Variants in CRYBG1 observed in about 807,000 individuals in gnomAD.
The protein encoded by CRYBG1 is crystallin beta-gamma domain containing 1.
CRYBG1 carries 139 observed loss-of-function variants against 189.2 expected under a neutral mutation model. The observed-to-expected ratio is 0.73, with a 90% CI of 0.64 to 0.85. The LOEUF (loss-of-function observed/expected upper bound fraction) is 0.85, where lower values mean the gene tolerates loss of function less well. CRYBG1 is among the 40% of genes least tolerant of loss of function. CRYBG1 has a pLI of 0.00. For synonymous variants in CRYBG1, 1,023 were observed against 1,017.1 expected (o/e 1.01, Z -0.11); for missense variants, 2,611 against 2,675.8 (o/e 0.98, Z 0.53).
chr6:106,492,470 T>G (rs948800702), intron 2 of CRYBG1, among the ~76,000 whole-genome samples: 1 of 151,488 alleles, frequency 6.6e-6, no homozygotes. Context: ...TTAGCCATAA[T>G]ACTTCTGAAG....
chr6:106,523,275 T>A (rs1179616357), intron 4 of CRYBG1, among the ~76,000 whole-genome samples: 1 of 152,192 alleles, frequency 6.6e-6, no homozygotes, highest in East Asian at 1.9e-4. Context: ...CAGCCTATGG[T>A]ACTCAGAAAT....
chr6:106,363,015 A>G lies in CRYBG1; in HGVS notation c.173+1934A>G, dbSNP rs553487621. Among the ~76,000 whole-genome samples, 219 of 151,548 alleles carry G rather than the reference A, an allele frequency of 1.4e-3. 1 individual carries two copies. Among genetic ancestry groups the G allele is most frequent in the Middle Eastern group, 3.4e-3 (1 of 294 alleles). On this transcript the variant is annotated intron_variant, in intron 1 of 21. Transcript: ENST00000633556. The stretch of plus-strand genomic sequence containing the variant: ...AATCCCAGCACTTTGGGAGGCCGAG[A>G]CGGGCGGATCACGAGGTCAGGAGAT...
At chr6:106,477,541 G>A (rs1772356755) in intron 2 of CRYBG1, among the ~76,000 whole-genome samples, 2 of 152,114 alleles carry the variant, frequency 1.3e-5, no homozygotes, top group South Asian at 4.1e-4. Context: ...TTGGTCTTCA[G>A]CCCATAGTTA....
chr6:106,440,131 G>GCTGC (rs1364635477), intron 1 of CRYBG1, among the ~76,000 whole-genome samples: 2 of 152,120 alleles, frequency 1.3e-5, no homozygotes, highest in Non-Finnish European at 2.9e-5. Flanking sequence ...CACCTGCTGT[G>GCTGC]CTGCCTCTCT....
Position 106,521,079 on chromosome 6 carries a change from GC to G in CRYBG1, c.3875del (p.Pro1292ArgfsTer5). 6.2e-7 allele frequency: 1 copy of G among 1,614,144 alleles called. No individual in the cohort carries two copies. Among genetic ancestry groups the G allele is most frequent in the Non-Finnish European group, 8.5e-7 (1 of 1,180,030 alleles). On this transcript the variant is annotated frameshift_variant, in exon 4 of 22. Coordinates refer to ENST00000633556, the MANE Select transcript of CRYBG1 (RefSeq NM_001371242.2). LOFTEE classifies it high-confidence loss of function. ...SSVSQPTTEG[A>X]PPCGLNKEQS... Reference sequence around the variant, plus strand: ...AGTGTCACAGCCCACGACTGAGGGTGCCCCGCCCTGTGGTTTGAACAAAGAA... The same window carrying G: ...AGTGTCACAGCCCACGACTGAGGGTGCCCGCCCTGTGGTTTGAACAAAGAA...
chr6:106,558,242 C>T (rs116110353), intron 17 of CRYBG1, among the ~76,000 whole-genome samples: 103,508 of 137,004 alleles, frequency 0.76, 35,920 homozygotes, highest in South Asian at 0.78. Context: ...TTTTTTTTTC[C>T]CCCTGTTTTA....
intron 1 of CRYBG1, among the ~76,000 whole-genome samples, chr6:106,365,485 C>T (rs1200513910): frequency 6.6e-6 from 1 of 150,558 alleles, no homozygotes; most frequent in Admixed American, 6.6e-5. Context: ...GACAGGGTCT[C>T]ACTATGTTGC....
chr6:106,390,788 TAC>T (rs768285861), intron 1 of CRYBG1, among the ~76,000 whole-genome samples: 1 of 152,238 alleles, frequency 6.6e-6, no homozygotes, highest in East Asian at 1.9e-4. Context: ...ATGACTGTGT[TAC>T]AGTTTATTTT....
Position 106,544,852 on chromosome 6 carries a change from T to C in CRYBG1, c.5231T>C (p.Ile1744Thr), listed in dbSNP as rs374976583. 2.6e-5 allele frequency: 42 copies of C among 1,613,670 alleles called. No individual in the cohort carries two copies. The highest frequency in any genetic ancestry group is 5.0e-5 in the Admixed American group (3 of 59,946). Residue 1744 changes from isoleucine to threonine, a missense_variant, in exon 13 of 22, where the codon ATT (isoleucine) becomes ACT (threonine). Physicochemically the swap from Ile to Thr is moderately conservative, Grantham distance 89. Around this residue, in one of 3 missense-constraint regions of CRYBG1, gnomAD observed 1,622 missense variants for 1,735.0 expected, o/e 0.93. Transcript: ENST00000633556. ...EKNFGSKGSS[I>T]DVLGIVANLK... Reference sequence around the variant, plus strand: ...AACTTTGGATCCAAAGGTTCCAGTATTGATGTATTGGGAATTGTTGCTAAT... The same window carrying C: ...AACTTTGGATCCAAAGGTTCCAGTACTGATGTATTGGGAATTGTTGCTAAT...
chr6:106,483,401 T>TATATATATATATATA, intron 2 of CRYBG1, among the ~76,000 whole-genome samples: 16 of 95,608 alleles, frequency 1.7e-4, no homozygotes, highest in East Asian at 3.8e-4. Context: ...GATATATATA[T>TATATATATATATATA]AAAACATTTT....
intron 1 of CRYBG1, among the ~76,000 whole-genome samples, chr6:106,446,156 G>A (rs1474467193): frequency 6.6e-6 from 1 of 152,144 alleles, no homozygotes; most frequent in African/African-American, 2.4e-5. Flanking sequence ...TCTAATACAG[G>A]GTCTAATGTT....
chr6:106,377,638 TATATA>T (rs1403465414), intron 1 of CRYBG1, among the ~76,000 whole-genome samples: 33 of 144,360 alleles, frequency 2.3e-4, no homozygotes, highest in South Asian at 1.4e-3. Flanking sequence ...TATATATATA[TATATA>T]TATATTTTCA....
At chr6:106,391,145 G>C (rs1036380495) in intron 1 of CRYBG1, among the ~76,000 whole-genome samples, 2 of 152,106 alleles carry the variant, frequency 1.3e-5, no homozygotes, top group African/African-American at 4.8e-5. Context: ...TCGGCTCACT[G>C]GTTCAAGCCA....
chr6:106,504,424 C>A (rs1773084430), intron 2 of CRYBG1, among the ~76,000 whole-genome samples: 1 of 152,060 alleles, frequency 6.6e-6, no homozygotes, highest in Admixed American at 6.6e-5. Context: ...CTTCTAACAG[C>A]CCTGGAAGAA....
rs944976256 is a variant in CRYBG1, at chr6:106,503,623, G to A, written c.313-7807G>A. Among the ~76,000 whole-genome samples, 4 of 152,288 alleles carry A rather than the reference G, an allele frequency of 2.6e-5. No individual in the cohort carries two copies. The South Asian group carries it at 6.2e-4, about 24-fold the overall frequency. The stretch of plus-strand genomic sequence containing the variant: ...GGTGCGGAGAAAATTCTGGCACAAC[G>A]TAGACACTCAATAATTATCAGTGGA... On this transcript the variant is annotated intron_variant, in intron 2 of 21. Transcript: ENST00000633556.
chr6:106,366,007 C>A (rs1301691690), intron 1 of CRYBG1, among the ~76,000 whole-genome samples: 1 of 152,158 alleles, frequency 6.6e-6, no homozygotes. Context: ...CAACTAACTC[C>A]CTGTTTATAT....
chr6:106,474,841 G>C (rs1009185072), intron 2 of CRYBG1, among the ~76,000 whole-genome samples: 2 of 152,168 alleles, frequency 1.3e-5, no homozygotes, highest in African/African-American at 2.4e-5. Flanking sequence ...TTAAAGGCGA[G>C]AAATTAGAAC....
intron 2 of CRYBG1, among the ~76,000 whole-genome samples, chr6:106,486,985 C>A (rs1484973460): frequency 3.9e-5 from 6 of 151,930 alleles, no homozygotes; most frequent in Non-Finnish European, 8.8e-5. Flanking sequence ...ATTGTTTATT[C>A]TTTTCTTTCT....
chr6:106,380,182 A>C (rs1011168539), intron 1 of CRYBG1, among the ~76,000 whole-genome samples: 1 of 152,228 alleles, frequency 6.6e-6, no homozygotes, highest in Non-Finnish European at 1.5e-5. Flanking sequence ...TTCAGGTCCC[A>C]ACATGCAGCT....
Sources: gnomAD v4.1 joint callset for allele counts (sites outside exome capture counted in the v4.1 genomes callset) on GRCh38, gnomAD v4.1.1 for gene constraint, gnomAD v4.1.1 regional missense constraint, MANE v1.5 for transcripts, NCBI Gene and HGNC (gene_info 2026-07-23, HGNC 2026-07-21) for gene names.